CHD6: variants seen among roughly 807,000 people sequenced by gnomAD.
CHD6 encodes chromodomain helicase DNA binding protein 6, also known as ATP-dependent chromatin remodeler CHD6.
CHD6 carries 50 observed loss-of-function variants against 276.9 expected under a neutral mutation model. That is an observed-to-expected ratio of 0.18 (90% CI 0.14 to 0.23). The LOEUF is 0.23. CHD6 is among the 10% of genes least tolerant of loss of function. CHD6 has a pLI of 1.00. For synonymous variants in CHD6, 1,173 were observed against 1,229.3 expected (o/e 0.95, Z 0.96); for missense variants, 2,564 against 3,365.8 (o/e 0.76, Z 5.89).
In CHD6 at chr20:41,405,325, C is replaced by G. The variant is rs2046642310; in HGVS notation, c.7416G>C (p.Leu2472=). Residue 2472 remains leucine, a synonymous_variant, in exon 37 of 37, where the codon CTG becomes CTC. Coordinates refer to ENST00000373233, the MANE Select transcript of CHD6 (RefSeq NM_032221.5). ...SGMGPLFMNG[L]IAGMDLVGLQ... ...GTCCTACCAGGTCCATCCCAGCAAT[C>G]AGTCCATTCATGAACAGTGGCCCCA... 6.2e-7 allele frequency: 1 copy of G among 1,614,128 alleles called. No homozygotes were observed. Among genetic ancestry groups the G allele is most frequent in the African/African-American group, 1.3e-5 (1 of 74,954 alleles).
At chr20:41,487,110 T>A (rs1348625094) in intron 14 of CHD6, among the ~76,000 whole-genome samples, 1 of 152,224 alleles carries the variant, frequency 6.6e-6, no homozygotes, top group African/African-American at 2.4e-5. Context: ...ATCAGTTGTT[T>A]TTTATTAGCT....
In CHD6 at chr20:41,405,043, T is replaced by C. The variant is rs2046629905; in HGVS notation, c.7698A>G (p.Glu2566=). ...STTKSGTAVT[E]KTAEDKPSSH... ...TACTCGGCTTGTCTTCCGCAGTCTT[T>C]TCAGTCACTGCCGTACCACTTTTCG... is the stretch of plus-strand genomic sequence containing the variant. The change falls in exon 37 of 37, where the codon GAA becomes GAG. Residue 2566 remains glutamate (E), a synonymous_variant. Transcript: ENST00000373233. The C allele has an allele frequency of 1.2e-6, 2 of 1,614,116 alleles. No individual in the cohort carries two copies. Among genetic ancestry groups the C allele is most frequent in the African/African-American group, 1.3e-5 (1 of 74,926 alleles).
Position 41,402,580 on chromosome 20 carries a change from G to C in CHD6, c.*2013C>G, listed in dbSNP as rs2046564371. 4.4e-6 allele frequency: 1 copy of C among 228,366 alleles called. No individual in the cohort carries two copies. The highest frequency in any genetic ancestry group is 8.7e-6 in the Non-Finnish European group (1 of 115,146). The allele number at this position is 228,366 out of a possible 1,614,324, so 14.1% of individuals were successfully genotyped here. A position where few individuals can be genotyped will look rare whatever the true frequency, so the allele number is the denominator to read the frequency against. ...TGTCTATAATACTCATTTGCAGTAA[G>C]GCTTTCAAGATACAGGAATTTTTAT... On this transcript the variant is annotated 3_prime_UTR_variant, in exon 37 of 37. Coordinates refer to ENST00000373233, the MANE Select transcript of CHD6 (RefSeq NM_032221.5).
chr20:41,520,371 C>T (rs909440571), intron 3 of CHD6, among the ~76,000 whole-genome samples: 9 of 152,048 alleles, frequency 5.9e-5, no homozygotes, highest in African/African-American at 1.9e-4. Context: ...CACATGCACA[C>T]GTATGTTACT....
At chr20:41,576,456 C>T (rs1431875451) in intron 1 of CHD6, among the ~76,000 whole-genome samples, 3 of 152,088 alleles carry the variant, frequency 2.0e-5, no homozygotes, top group African/African-American at 7.2e-5. Context: ...GAGGCCAAGG[C>T]GGGCAGATCA....
intron 25 of CHD6, among the ~76,000 whole-genome samples, chr20:41,445,362 G>C (rs1243385527): frequency 6.6e-6 from 1 of 152,104 alleles, no homozygotes; most frequent in Non-Finnish European, 1.5e-5. Flanking sequence ...CCATGCACTG[G>C]GACTATTAGA....
At chr20:41,516,168 A>ATT (rs75917656) in intron 3 of CHD6, among the ~76,000 whole-genome samples, 1 of 148,334 alleles carries the variant, frequency 6.7e-6, no homozygotes, top group Non-Finnish European at 1.5e-5. Context: ...GCAGATGGTA[A>ATT]TTTTTTTTTT....
At chr20:41,465,071 T>A (rs1344252236) in intron 17 of CHD6, among the ~76,000 whole-genome samples, 7 of 152,158 alleles carry the variant, frequency 4.6e-5, no homozygotes, top group Non-Finnish European at 1.0e-4. Flanking sequence ...GTAGAAGGGA[T>A]GATGAGAATA....
chr20:41,499,965 C>A lies in CHD6; in HGVS notation c.853-608G>T, dbSNP rs142383391. ...GCTGTTTCACTGATCATCCTTTGAA[C>A]GTAAATCCCAACTGAAAACCTAAAT... On this transcript the variant is annotated intron_variant, in intron 5 of 36. Transcript: ENST00000373233. Among the ~76,000 whole-genome samples the A allele has an allele frequency of 4.9e-3, 743 of 152,242 alleles. 4 individuals are homozygous for A. Among genetic ancestry groups the A allele is most frequent in the Middle Eastern group, 0.037 (11 of 294 alleles).
In CHD6 at chr20:41,413,427, G is replaced by A. The variant is rs775912225; in HGVS notation, c.7028C>T (p.Thr2343Met). 1.2e-5 allele frequency: 19 copies of A among 1,611,906 alleles called. No individual in the cohort carries two copies. The South Asian group carries it at 1.4e-4, about 12-fold the overall frequency. Residue 2343 changes from threonine to methionine, a missense_variant, in exon 35 of 37, where the codon ACG becomes ATG. Thr to Met is a moderately conservative substitution (Grantham distance 81). This residue lies in a region of CHD6 where 1,024 missense variants were observed against 1,047.9 expected (regional missense o/e 0.98). Transcript: ENST00000373233. ...TTTCTCGGCTTGGCTGCTGGCTGCC[G>A]TAGCTGGCTCAGGAGCCGAGGTGGC... ...GPATSAPEPA[T>M]AASSQAEKSI... is the part of the protein sequence containing the mutation.
At chr20:41,418,458 G>C (rs1285666100) in intron 31 of CHD6, among the ~76,000 whole-genome samples, 1 of 152,178 alleles carries the variant, frequency 6.6e-6, no homozygotes, top group Non-Finnish European at 1.5e-5. Flanking sequence ...AAAGCACAAA[G>C]ATGAGGCTAG....
chr20:41,432,468 CCT>C (rs1344113902), intron 27 of CHD6, among the ~76,000 whole-genome samples: 12 of 152,092 alleles, frequency 7.9e-5, no homozygotes, highest in Non-Finnish European at 4.4e-5. Context: ...GTTCCCCACC[CCT>C]ACCCATGGTG....
rs372971280 is a variant in CHD6, at chr20:41,606,179, C to T, written c.-24+12161G>A. On this transcript the variant is annotated intron_variant, in intron 1 of 36. Transcript: ENST00000373233. ...AATCACGAGGTCAGGAGTTTGAGAC[C>T]AGCCTGGCCAATATGGTGAAACCCC... 3.3e-5 allele frequency among the ~76,000 whole-genome samples: 5 copies of T among 151,984 alleles called. No homozygotes were observed. The East Asian group carries it at 5.8e-4, about 18-fold the overall frequency.
In CHD6 at chr20:41,405,619, C is replaced by T. The variant is rs1600777305; in HGVS notation, c.7252-130G>A. On this transcript the variant is annotated intron_variant, in intron 36 of 36. Coordinates refer to ENST00000373233, the MANE Select transcript of CHD6 (RefSeq NM_032221.5). ...CACGAAGGGTTCCCAGTACAAGGAG[C>T]ACCTCCCGCCTACTTGTGCAGCTCT... 4 of 645,044 alleles carry T rather than the reference C, an allele frequency of 6.2e-6. No homozygotes were observed. In the South Asian group the frequency reaches 6.6e-5, roughly 11 times the overall value. 40.0% of individuals were successfully genotyped at this position (645,044 alleles called of 1,614,324 possible). A position where few individuals can be genotyped will look rare whatever the true frequency, so the allele number is the denominator to read the frequency against.
intron 23 of CHD6, among the ~76,000 whole-genome samples, chr20:41,449,800 C>A (rs1348146792): frequency 6.6e-6 from 1 of 152,174 alleles, no homozygotes; most frequent in Non-Finnish European, 1.5e-5. Context: ...GCATCTAGAT[C>A]AGGAAGCAGA....
chr20:41,523,650 G>GTTTT (rs200892102), intron 3 of CHD6, among the ~76,000 whole-genome samples: 10 of 141,190 alleles, frequency 7.1e-5, no homozygotes, highest in African/African-American at 5.2e-5. Context: ...TTTGTTTTTT[G>GTTTT]TTTTTTTTTT....
chr20:41,572,238 C>T (rs1446086257), intron 1 of CHD6, among the ~76,000 whole-genome samples: 2 of 152,190 alleles, frequency 1.3e-5, no homozygotes, highest in African/African-American at 2.4e-5. Context: ...AAGAAGGGAG[C>T]TTGTCTTTTG....
Position 41,404,257 on chromosome 20 carries a change from C to CT in CHD6, c.*335dup. 9.2e-7 allele frequency: 1 copy of CT among 1,090,018 alleles called. No homozygotes were observed. The allele number at this position is 1,090,018 out of a possible 1,614,324, so 67.5% of individuals were successfully genotyped here. A position where few individuals can be genotyped will look rare whatever the true frequency, so the allele number is the denominator to read the frequency against. On this transcript the variant is annotated 3_prime_UTR_variant, in exon 37 of 37. Coordinates refer to ENST00000373233, the MANE Select transcript of CHD6 (RefSeq NM_032221.5). ...CAATGGTAAAACCCTAGACAGCTTTCTTTTGCCATTTTTCCTCCTCAAGTG... is the reference window on the plus strand; with the variant it reads ...CAATGGTAAAACCCTAGACAGCTTTCTTTTTGCCATTTTTCCTCCTCAAGTG...
chr20:41,591,615 C>T lies in CHD6; in HGVS notation c.-24+26725G>A, dbSNP rs1349013953. 2.0e-5 allele frequency among the ~76,000 whole-genome samples: 3 copies of T among 152,164 alleles called. No homozygotes were observed. In the East Asian group the frequency reaches 5.8e-4, roughly 29 times the overall value. ...GGCTGAGGCAGGAGAATCACTTGAA[C>T]CCGGGAGGCGGAGGTTGTGGTAAGC... is the stretch of plus-strand genomic sequence containing the variant. On this transcript the variant is annotated intron_variant, in intron 1 of 36. Transcript: ENST00000373233.
Sources: allele counts gnomAD v4.1 joint callset (sites outside exome capture counted in the v4.1 genomes callset), GRCh38; gene constraint gnomAD v4.1.1; regional missense constraint gnomAD v4.1.1; transcripts MANE v1.5; gene names NCBI Gene and HGNC (gene_info 2026-07-23, HGNC 2026-07-21).